Variants in WWOX observed in about 807,000 individuals in gnomAD.
WWOX encodes the protein WW domain containing oxidoreductase, also known as WW domain-containing oxidoreductase.
WWOX carries 69 observed loss-of-function variants against 46.2 expected under a neutral mutation model. That is an observed-to-expected ratio of 1.49 (90% CI 1.23 to 1.82). The LOEUF is 1.82. Among genes scored for constraint, WWOX ranks in the 40% most tolerant of loss-of-function variants. The pLI is 0.00. For missense variants in WWOX, 919 were observed against 542.6 expected, an observed-to-expected ratio of 1.69 and a Z score of -6.89; for synonymous variants, 359 against 202.6, an observed-to-expected ratio of 1.77 and a Z score of -6.56.
chr16:78,551,128 A>G (rs905023600), intron 8 of WWOX: 6 of 152,218 alleles, frequency 3.9e-5, no homozygotes, highest in African/African-American at 1.2e-4. Flanking sequence ...CATGAAACAG[A>G]TATCCAGTAT....
intron 8 of WWOX, among the ~76,000 whole-genome samples, chr16:79,033,146 A>G (rs918049982): frequency 5.4e-5 from 8 of 146,926 alleles, no homozygotes; most frequent in African/African-American, 2.0e-4. Flanking sequence ...TAGATGTAAT[A>G]TATATATAAT....
rs930604646 is a variant in WWOX at position 78,291,900 on chromosome 16, G to A, written c.517-94960G>A. ...AGGGAATTCCCCTTTTGTGCCTTCG[G>A]GATTGATAGAGAAGCCCAGTGGACT... On this transcript the variant is annotated intron_variant, in intron 5 of 8. Coordinates refer to ENST00000566780, the MANE Select transcript of WWOX (RefSeq NM_016373.4). Among the ~76,000 whole-genome samples, 11 of 152,048 alleles carry A rather than the reference G, an allele frequency of 7.2e-5. No individual in the cohort carries two copies. The South Asian group carries it at 2.1e-3, about 29-fold the overall frequency.
chr16:78,509,734 T>C (rs1482429791), intron 8 of WWOX, among the ~76,000 whole-genome samples: 2 of 152,130 alleles, frequency 1.3e-5, no homozygotes, highest in African/African-American at 2.4e-5. Context: ...TAGAAAGTGA[T>C]TGCAATGTTA....
chr16:78,934,180 A>G (rs894826730), intron 8 of WWOX, among the ~76,000 whole-genome samples: 3 of 151,750 alleles, frequency 2.0e-5, no homozygotes, highest in African/African-American at 2.4e-5. Context: ...CTAAAAATAG[A>G]AAAAGAAATT....
intron 5 of WWOX, among the ~76,000 whole-genome samples, chr16:78,351,750 A>G (rs1029880203): frequency 2.0e-5 from 3 of 152,118 alleles, no homozygotes; most frequent in African/African-American, 7.2e-5. Context: ...CCTGCCTCCC[A>G]GGTTCAAGCG....
At chr16:78,492,680 G>A (rs1036198425) in intron 8 of WWOX, among the ~76,000 whole-genome samples, 12 of 152,072 alleles carry the variant, frequency 7.9e-5, no homozygotes, top group Non-Finnish European at 1.8e-4. Context: ...ATTCTGTTTT[G>A]GTGCTTATGT....
At chr16:78,727,503 C>T (rs765655492) in intron 8 of WWOX, among the ~76,000 whole-genome samples, 16 of 152,096 alleles carry the variant, frequency 1.1e-4, no homozygotes, top group South Asian at 4.2e-4. Context: ...TAGCCCATAG[C>T]GAGTCCCAGT....
chr16:78,609,812 T>C (rs188105102), intron 8 of WWOX, among the ~76,000 whole-genome samples: 1 of 152,370 alleles, frequency 6.6e-6, no homozygotes, highest in East Asian at 1.9e-4. Flanking sequence ...TCCAAAGCTA[T>C]CTGCTAATCC....
chr16:78,814,698 C>T (rs1304290001), intron 8 of WWOX, among the ~76,000 whole-genome samples: 2 of 152,206 alleles, frequency 1.3e-5, no homozygotes, highest in Non-Finnish European at 2.9e-5. Context: ...GTTTTCCAAT[C>T]AGGTATTTTG....
At chr16:79,194,019 G>A (rs1201727765) in intron 8 of WWOX, among the ~76,000 whole-genome samples, 1 of 152,168 alleles carries the variant, frequency 6.6e-6, no homozygotes, top group Non-Finnish European at 1.5e-5. Context: ...TCTGTAAACT[G>A]GGGAAAATCT....
chr16:78,723,171 C>A (rs1454060833), intron 8 of WWOX, among the ~76,000 whole-genome samples: 1 of 152,214 alleles, frequency 6.6e-6, no homozygotes, highest in African/African-American at 2.4e-5. Context: ...GTTAATAGAA[C>A]ATTTCCCTCT....
At position 78,340,116 on chromosome 16, in the gene WWOX, A is replaced by G. The variant is rs1045468690; in HGVS notation, c.517-46744A>G. ...CTTTTAACTCTCTGATGTTAATGAT[A>G]ATTGTTTTAATTTTTCTTTTCTGTT... On this transcript the variant is annotated intron_variant, in intron 5 of 8. Coordinates refer to ENST00000566780, the MANE Select transcript of WWOX (RefSeq NM_016373.4). Among the ~76,000 whole-genome samples the G allele has an allele frequency of 2.8e-4, 31 of 110,050 alleles. 9 individuals carry two copies. The highest frequency in any genetic ancestry group is 9.5e-4 in the African/African-American group (31 of 32,508). 72.2% of individuals were successfully genotyped at this position (110,050 alleles called of 152,430 possible). A position where few individuals can be genotyped will look rare whatever the true frequency, so the allele number is the denominator to read the frequency against.
At chr16:78,404,335 C>G (rs1011396165) in intron 6 of WWOX, among the ~76,000 whole-genome samples, 3 of 152,062 alleles carry the variant, frequency 2.0e-5, no homozygotes, top group African/African-American at 7.2e-5. Flanking sequence ...AAGCATAACC[C>G]TAGGTGTGAG....
chr16:78,430,311 G>T (rs542054661), intron 7 of WWOX, among the ~76,000 whole-genome samples: 1 of 152,104 alleles, frequency 6.6e-6, no homozygotes, highest in African/African-American at 2.4e-5. Context: ...TTACAATTCA[G>T]TGTGAGATTT....
intron 5 of WWOX, among the ~76,000 whole-genome samples, chr16:78,378,473 T>C (rs1210350459): frequency 6.6e-6 from 1 of 152,156 alleles, no homozygotes; most frequent in African/African-American, 2.4e-5. Flanking sequence ...CGATCACCCA[T>C]TGCCACCGTT....
At position 78,108,638 on chromosome 16, in the gene WWOX, C is replaced by T. The variant is rs562208402; in HGVS notation, c.172+151C>T. 5.3e-4 allele frequency: 460 copies of T among 860,776 alleles called. 3 individuals carry two copies. Among genetic ancestry groups the T allele is most frequent in the Non-Finnish European group, 7.2e-4 (384 of 533,540 alleles). The allele number at this position is 860,776 out of a possible 1,614,324, so 53.3% of individuals were successfully genotyped here. The stretch of plus-strand genomic sequence containing the variant: ...ACTCTGAGGAGCTTATGGGATTTGG[C>T]AGAAGAAGATGATGAGATCATAGGG... On this transcript the variant is annotated intron_variant, in intron 2 of 8. Transcript: ENST00000566780.
In WWOX at chr16:79,211,748, G is replaced by A. The variant is rs376935572; in HGVS notation, c.1197G>A (p.Ala399=). The change falls in exon 9 of 9, where the codon GCG becomes GCA. Residue 399 remains alanine, a synonymous_variant. Coordinates refer to ENST00000566780, the MANE Select transcript of WWOX (RefSeq NM_016373.4). ...QSEETARTLW[A]LSERLIQERL... is the part of the protein sequence containing the mutation. ...AAGAGACGGCCCGGACCCTGTGGGC[G>A]CTCAGCGAGAGGCTGATCCAAGAAC... is the stretch of plus-strand genomic sequence containing the variant. 7.6e-4 allele frequency: 1,225 copies of A among 1,614,202 alleles called. 3 individuals carry two copies. The highest frequency in any genetic ancestry group is 3.9e-3 in the African/African-American group (290 of 75,066).
intron 8 of WWOX, among the ~76,000 whole-genome samples, chr16:78,868,053 A>T (rs1318377129): frequency 6.6e-6 from 1 of 152,158 alleles, no homozygotes; most frequent in East Asian, 1.9e-4. Context: ...AAAGAAAATA[A>T]ATGCTTATAC....
intron 8 of WWOX, among the ~76,000 whole-genome samples, chr16:78,589,392 C>A (rs2045298439): frequency 6.6e-6 from 1 of 152,176 alleles, no homozygotes; most frequent in African/African-American, 2.4e-5. Flanking sequence ...GTCATTTCTA[C>A]CTTGTTGGTA....
Sources: allele counts gnomAD v4.1 joint callset (sites outside exome capture counted in the v4.1 genomes callset), GRCh38; gene constraint gnomAD v4.1.1; transcripts MANE v1.5; gene names NCBI Gene and HGNC (gene_info 2026-07-23, HGNC 2026-07-21).